The following FAM120B variants were observed in gnomAD, a reference collection of about 807,000 sequenced individuals.
FAM120B encodes the protein family with sequence similarity 120 member B, also known as constitutive coactivator of peroxisome proliferator-activated receptor gamma.
FAM120B carries 83 observed loss-of-function variants against 96.3 expected under a neutral mutation model. The ratio of observed to expected loss-of-function variants is 0.86; its 90% CI spans 0.72 to 1.03. The LOEUF is 1.03. FAM120B is among the 50% of genes least tolerant of loss of function. The pLI is 0.00. For synonymous variants in FAM120B, 407 were observed against 402.7 expected (o/e 1.01, Z -0.13); for missense variants, 1,027 against 1,121.2 (o/e 0.92, Z 1.20).
intron 4 of FAM120B, among the ~76,000 whole-genome samples, chr6:170,341,698 G>A (rs1786844361): frequency 6.6e-6 from 1 of 152,172 alleles, no homozygotes; most frequent in South Asian, 2.1e-4. Context: ...GGGCTGGATA[G>A]CACCATCCCT....
intron 6 of FAM120B, among the ~76,000 whole-genome samples, chr6:170,367,592 G>A (rs1352482375): frequency 1.3e-5 from 2 of 152,182 alleles, no homozygotes; most frequent in African/African-American, 4.8e-5. Context: ...GCGGGGAGAC[G>A]GCAGGATGGG....
At position 170,348,295 on chromosome 6, in the gene FAM120B, G is replaced by A. The variant is rs770290206; in HGVS notation, c.2162G>A (p.Cys721Tyr). Residue 721 changes from cysteine (C) to tyrosine (Y), a missense_variant, in exon 5 of 11, where the codon TGC becomes TAC. Around this residue, in one of 3 missense-constraint regions of FAM120B, gnomAD observed 880 missense variants for 980.9 expected, o/e 0.90. Transcript: ENST00000476287. ...QAVESPFQAL[C>Y]CLLIYLFVQV... ...GTCGAAAGCCCATTTCAAGCTTTGT[G>A]CTGCCTCTTGATCTACCTCTTTGTC... 14 of 1,613,294 alleles carry A rather than the reference G, an allele frequency of 8.7e-6. No individual in the cohort carries two copies. Among genetic ancestry groups the A allele is most frequent in the Non-Finnish European group, 8.5e-7 (1 of 1,179,878 alleles).
chr6:170,330,352 C>A, intron 3 of FAM120B, 97 bp from the exon 4 acceptor site: 1 of 830,496 alleles, frequency 1.2e-6, no homozygotes, highest in Non-Finnish European at 2.0e-6. Context: ...GAGAGCTCAC[C>A]TTTGAATTGG....
chr6:170,292,164 C>T (rs1407113373), upstream of FAM120B, among the ~76,000 whole-genome samples: 2 of 152,228 alleles, frequency 1.3e-5, no homozygotes. This position sits in a 1 kb window ranked among gnomAD's most constrained non-coding sequence, Gnocchi z 6.6. Flanking sequence ...AGCCCCGGCC[C>T]CCAACCCACA....
chr6:170,395,773 A>T lies in FAM120B; in HGVS notation c.2692+194A>T, dbSNP rs573558719. On this transcript the variant is annotated intron_variant, in intron 9 of 10. Coordinates refer to ENST00000476287, the MANE Select transcript of FAM120B (RefSeq NM_032448.3). ...ACAAATAATTTCCATGGTTGATGCT[A>T]GCCCTGTCTGCATCTGGCCACTTTA... 2.0e-5 allele frequency among the ~76,000 whole-genome samples: 3 copies of T among 152,366 alleles called. No individual in the cohort carries two copies. In the South Asian group the frequency reaches 6.2e-4, roughly 32 times the overall value.
chr6:170,325,273 AT>A (rs1024389142), intron 3 of FAM120B, among the ~76,000 whole-genome samples: 1 of 152,064 alleles, frequency 6.6e-6, no homozygotes, highest in Non-Finnish European at 1.5e-5. Context: ...ATGGTATGGT[AT>A]TTTTTCTATC....
chr6:170,304,395 T>C (rs773829472), upstream of FAM120B, among the ~76,000 whole-genome samples: 1 of 152,248 alleles, frequency 6.6e-6, no homozygotes, highest in South Asian at 2.1e-4. Flanking sequence ...GCTGTGGCGA[T>C]GTGCCTTGGT....
intron 8 of FAM120B, 48 bp from the exon 9 acceptor site, chr6:170,395,439 T>C: frequency 6.9e-7 from 1 of 1,445,072 alleles, no homozygotes; most frequent in Admixed American, 2.0e-5. Context: ...GTCATTTGGG[T>C]TAAGACATTT....
intron 6 of FAM120B, among the ~76,000 whole-genome samples, chr6:170,368,263 C>T (rs967629895): frequency 6.6e-5 from 10 of 152,148 alleles, no homozygotes; most frequent in Admixed American, 2.0e-4. Flanking sequence ...GCCAAGGTTC[C>T]GAGTTCCACC....
chr6:170,330,534 G>A lies in FAM120B; in HGVS notation c.2001G>A (p.Leu667=). The change falls in exon 4 of 11, where the codon CTG becomes CTA. Residue 667 remains leucine (L), a synonymous_variant. Coordinates refer to ENST00000476287, the MANE Select transcript of FAM120B (RefSeq NM_032448.3). ...GGCACCCGGACCTCGTCAGGCCGCTGCAGATGACCATTCCAGGTACAGGCA... is the reference window on the plus strand; with the variant it reads ...GGCACCCGGACCTCGTCAGGCCGCTACAGATGACCATTCCAGGTACAGGCA... ...PLRHPDLVRP[L]QMTIPGGTPS... is the part of the protein sequence containing the mutation. The A allele has an allele frequency of 6.2e-7, 1 of 1,613,876 alleles. No homozygotes were observed. Among genetic ancestry groups the A allele is most frequent in the Non-Finnish European group, 8.5e-7 (1 of 1,179,730 alleles).
At chr6:170,401,430 C>T (rs954938947) in intron 9 of FAM120B, among the ~76,000 whole-genome samples, 6 of 152,062 alleles carry the variant, frequency 3.9e-5, no homozygotes, top group African/African-American at 1.4e-4. Context: ...GGCAGTGTCC[C>T]ATCAGGACTG....
At chr6:170,336,476 C>G (rs1011655516) in intron 4 of FAM120B, among the ~76,000 whole-genome samples, 1 of 152,098 alleles carries the variant, frequency 6.6e-6, no homozygotes, top group East Asian at 1.9e-4. Flanking sequence ...CGTGATGGCT[C>G]CAGCTTTGTT....
rs1370637956 is a variant in FAM120B, at chr6:170,318,167, A to G, written c.777A>G (p.Lys259=). Residue 259 remains lysine (K), a synonymous_variant, in exon 2 of 11, where the codon AAA becomes AAG. Coordinates refer to ENST00000476287, the MANE Select transcript of FAM120B (RefSeq NM_032448.3). ...SYTSVKENFD[K]KGNIILAVSD... is the part of the protein sequence containing the mutation. ...CCTCTGTAAAAGAGAACTTTGACAA[A>G]AAAGGTAACATCATATTAGCTGTGT... The G allele has an allele frequency of 1.9e-6, 3 of 1,614,132 alleles. No homozygotes were observed. The highest frequency in any genetic ancestry group is 2.5e-6 in the Non-Finnish European group (3 of 1,180,062).
intron 9 of FAM120B, among the ~76,000 whole-genome samples, chr6:170,401,520 CAGGGAGGG>C (rs2115347218): frequency 6.6e-6 from 1 of 152,196 alleles, no homozygotes; most frequent in African/African-American, 2.4e-5. Context: ...GGCCAGGGAG[CAGGGAGGG>C]AGGGAGCAAA....
At chr6:170,331,217 C>T (rs963932012) in intron 4 of FAM120B, among the ~76,000 whole-genome samples, 2 of 152,154 alleles carry the variant, frequency 1.3e-5, no homozygotes, top group African/African-American at 2.4e-5. Context: ...TACACACAAA[C>T]AGTTAAGGAA....
chr6:170,405,292 G>A lies in FAM120B; in HGVS notation c.*541G>A, dbSNP rs1462483968. The stretch of plus-strand genomic sequence containing the variant: ...CCATGATAAAGCTTAACAAAGAACA[G>A]TGAGAGATTAACAGCAACCAATAAC... On this transcript the variant is annotated 3_prime_UTR_variant, in exon 11 of 11. Coordinates refer to ENST00000476287, the MANE Select transcript of FAM120B (RefSeq NM_032448.3). The A allele has an allele frequency of 3.3e-5, 5 of 152,220 alleles. No individual in the cohort carries two copies. Among genetic ancestry groups the A allele is most frequent in the African/African-American group, 7.2e-5 (3 of 41,452 alleles). 9.4% of individuals were successfully genotyped at this position (152,220 alleles called of 1,614,324 possible).
upstream of FAM120B, among the ~76,000 whole-genome samples, chr6:170,302,894 T>C (rs1371981907): frequency 6.6e-6 from 1 of 152,216 alleles, no homozygotes; most frequent in East Asian, 1.9e-4. Context: ...CAACTTTTCT[T>C]GTAGTCTCCC....
At chr6:170,342,652 C>T (rs1786912473) in intron 4 of FAM120B, among the ~76,000 whole-genome samples, 2 of 152,180 alleles carry the variant, frequency 1.3e-5, no homozygotes, top group African/African-American at 4.8e-5. Flanking sequence ...TCTGCATGGC[C>T]CCCTGGGGCT....
chr6:170,348,630 C>T (rs981841731), intron 5 of FAM120B, among the ~76,000 whole-genome samples: 1 of 150,520 alleles, frequency 6.6e-6, no homozygotes, highest in Non-Finnish European at 1.5e-5. Context: ...AGTGTACCTC[C>T]TCTGTCCTCG....
Sources: gnomAD v4.1 joint callset for allele counts (sites outside exome capture counted in the v4.1 genomes callset) on GRCh38, gnomAD v4.1.1 for gene constraint, gnomAD v4.1.1 regional missense constraint, Gnocchi (gnomAD v3.1) non-coding constraint, MANE v1.5 for transcripts, NCBI Gene and HGNC (gene_info 2026-07-23, HGNC 2026-07-21) for gene names.